Variants in PRDM10 observed in about 807,000 individuals in gnomAD.
The protein encoded by PRDM10 is PR/SET domain 10, also known as PR domain zinc finger protein 10.
In PRDM10, 65 loss-of-function variants were observed where a neutral mutation model predicts 133.1. The observed-to-expected ratio is 0.49, with a 90% CI of 0.40 to 0.60. The LOEUF (loss-of-function observed/expected upper bound fraction) is 0.60. Among genes scored for constraint, PRDM10 ranks in the 20% least tolerant of loss-of-function variants. PRDM10 has a pLI of 0.00. For synonymous variants in PRDM10, 582 were observed against 580.4 expected, an observed-to-expected ratio of 1.00 and a Z score of -0.04; for missense variants, 1,137 against 1,507.1, an observed-to-expected ratio of 0.75 and a Z score of 4.07.
At chr11:129,964,952 A>G (rs549559861) in intron 1 of PRDM10, among the ~76,000 whole-genome samples, 1 of 152,360 alleles carries the variant, frequency 6.6e-6, no homozygotes. Context: ...CAATTTTCAT[A>G]TTTCACAAAC....
In PRDM10 at chr11:129,991,179, T is replaced by C. The variant is rs73579262; in HGVS notation, c.-119+11543A>G. On this transcript the variant is annotated intron_variant, in intron 1 of 20. Transcript: ENST00000360871. ...ATGCAAATGTTAATAATTATTTAAATTGTGAGGACCATAGGCTGTTTTAGA... is the reference window on the plus strand; with the variant it reads ...ATGCAAATGTTAATAATTATTTAAACTGTGAGGACCATAGGCTGTTTTAGA... Among the ~76,000 whole-genome samples the C allele has an allele frequency of 4.4e-3, 669 of 152,308 alleles. 4 individuals carry two copies. Among genetic ancestry groups the C allele is most frequent in the African/African-American group, 0.015 (629 of 41,576 alleles).
intron 1 of PRDM10, among the ~76,000 whole-genome samples, chr11:129,994,171 A>C (rs1459119931): frequency 6.6e-6 from 1 of 152,132 alleles, no homozygotes; most frequent in African/African-American, 2.4e-5. Flanking sequence ...AGTATATATA[A>C]GTATGAAAAT....
rs1180805871 is a variant in PRDM10, at chr11:129,900,138, C to T, written c.*2175G>A. 1.3e-5 allele frequency: 2 copies of T among 152,414 alleles called. No homozygotes were observed. Among genetic ancestry groups the T allele is most frequent in the African/African-American group, 2.4e-5 (1 of 41,462 alleles). The allele number at this position is 152,414 out of a possible 1,614,324, so 9.4% of individuals were successfully genotyped here. A position where few individuals can be genotyped will look rare whatever the true frequency, so the allele number is the denominator to read the frequency against. On this transcript the variant is annotated 3_prime_UTR_variant, in exon 21 of 21. Transcript: ENST00000360871. ...AGAGAGGCCACAATATCCACACTGGCTACATACATGTTTTCCAAATTAAGT... is the reference window on the plus strand; with the variant it reads ...AGAGAGGCCACAATATCCACACTGGTTACATACATGTTTTCCAAATTAAGT...
intron 6 of PRDM10, 77 bp downstream of exon 6, chr11:129,944,694 G>A: frequency 6.5e-7 from 1 of 1,539,610 alleles, no homozygotes; most frequent in Non-Finnish European, 8.8e-7. Flanking sequence ...ACAGGAATAA[G>A]AGACTGAGTA....
chr11:129,928,946 C>T (rs117141624), intron 11 of PRDM10, among the ~76,000 whole-genome samples: 2,391 of 152,318 alleles, frequency 0.016, 37 homozygotes, highest in Non-Finnish European at 0.025. Flanking sequence ...GTCTAAGTCT[C>T]ACCTTATCCA....
chr11:129,955,578 A>G lies in PRDM10; in HGVS notation c.235-7T>C. 1 of 1,613,502 alleles carries G rather than the reference A, an allele frequency of 6.2e-7. No individual in the cohort carries two copies. The highest frequency in any genetic ancestry group is 1.1e-5 in the South Asian group (1 of 90,910). On this transcript the variant is annotated splice_polypyrimidine_tract_variant and splice_region_variant and intron_variant, in intron 3 of 20. Transcript: ENST00000360871. ...CGGGGTCTGTAAACAGAGTCTAAAC[A>G]AACAAACGAACAAAAAATTATCAGT...
rs1175803893 is a variant in PRDM10, at chr11:129,946,580, A to G, written c.520+565T>C. Among the ~76,000 whole-genome samples, 8 of 152,160 alleles carry G rather than the reference A, an allele frequency of 5.3e-5. No individual in the cohort carries two copies. In the South Asian group the frequency reaches 1.2e-3, roughly 24 times the overall value. On this transcript the variant is annotated intron_variant, in intron 5 of 20. Transcript: ENST00000360871. Reference sequence around the variant, plus strand: ...AGCAGTAGGGTGGGGTGGCTGATCAAGGGCGCTGCCGAGGGGCCAGACTGC... The same window carrying G: ...AGCAGTAGGGTGGGGTGGCTGATCAGGGGCGCTGCCGAGGGGCCAGACTGC...
At chr11:129,992,997 A>G (rs2135997378) in intron 1 of PRDM10, among the ~76,000 whole-genome samples, 1 of 152,320 alleles carries the variant, frequency 6.6e-6, no homozygotes, top group Middle Eastern at 3.4e-3. Context: ...CATTTCTCTA[A>G]TATTGGAACT....
rs1287760199 is a variant in PRDM10, at chr11:129,900,167, C to T, written c.*2146G>A. On this transcript the variant is annotated 3_prime_UTR_variant, in exon 21 of 21. Coordinates refer to ENST00000360871, the MANE Select transcript of PRDM10 (RefSeq NM_199437.2). ...ATACATGTTTTCCAAATTAAGTTTT[C>T]TGATGGCTCATCATTTGCCATCTCT... 1 of 152,260 alleles carries T rather than the reference C, an allele frequency of 6.6e-6. No homozygotes were observed. Among genetic ancestry groups the T allele is most frequent in the African/African-American group, 2.4e-5 (1 of 41,456 alleles). The allele number at this position is 152,260 out of a possible 1,614,324, so 9.4% of individuals were successfully genotyped here.
chr11:129,936,176 A>G (rs1189412319), intron 8 of PRDM10, among the ~76,000 whole-genome samples: 1 of 152,176 alleles, frequency 6.6e-6, no homozygotes, highest in Non-Finnish European at 1.5e-5. Flanking sequence ...GGAATCATAC[A>G]TCAATGTACC....
chr11:129,982,388 A>G (rs985376645), intron 1 of PRDM10, among the ~76,000 whole-genome samples: 3 of 152,018 alleles, frequency 2.0e-5, no homozygotes, highest in African/African-American at 7.2e-5. Context: ...TCAGCCTCCC[A>G]AGTAGCTGGG....
intron 11 of PRDM10, 91 bp from the exon 12 acceptor site, chr11:129,925,320 G>A: frequency 8.3e-7 from 1 of 1,204,414 alleles, no homozygotes; most frequent in South Asian, 1.5e-5. Flanking sequence ...GATGATCTCT[G>A]CAATCACAGA....
intron 16 of PRDM10, among the ~76,000 whole-genome samples, chr11:129,915,264 C>T (rs1950321480): frequency 6.6e-6 from 1 of 151,704 alleles, no homozygotes; most frequent in African/African-American, 2.4e-5. Flanking sequence ...ATACCCCCCC[C>T]AAATAGTACC....
intron 1 of PRDM10, among the ~76,000 whole-genome samples, chr11:129,993,337 T>G (rs552901276): frequency 6.6e-6 from 1 of 152,338 alleles, no homozygotes; most frequent in East Asian, 1.9e-4. Flanking sequence ...TATCTTCCTA[T>G]ATTAATTCTA....
chr11:129,999,410 A>G (rs910839788), intron 1 of PRDM10, among the ~76,000 whole-genome samples: 1 of 152,202 alleles, frequency 6.6e-6, no homozygotes, highest in Non-Finnish European at 1.5e-5. Context: ...TAAAGTACCT[A>G]TAATAAGTTA....
intron 1 of PRDM10, among the ~76,000 whole-genome samples, chr11:129,963,011 T>C (rs1951825672): frequency 6.6e-6 from 1 of 151,972 alleles, no homozygotes. Context: ...TAGCCAGGTG[T>C]GGTGGTGTGC....
At chr11:129,934,558 A>C (rs144833513) in intron 9 of PRDM10, among the ~76,000 whole-genome samples, 150 of 152,328 alleles carry the variant, frequency 9.8e-4, no homozygotes, top group Admixed American at 3.6e-3. Context: ...TTTTCAAAAA[A>C]AAAATACAAT....
At chr11:129,972,595 A>G (rs181966058) in intron 1 of PRDM10, among the ~76,000 whole-genome samples, 57 of 152,306 alleles carry the variant, frequency 3.7e-4, no homozygotes, top group African/African-American at 1.3e-3. Context: ...ACAGCAAGCA[A>G]AAGGAAACAC....
At position 129,902,184 on chromosome 11, in the gene PRDM10, A is replaced by G; in HGVS notation, c.*129T>C. 1 of 1,308,822 alleles carries G rather than the reference A, an allele frequency of 7.6e-7. No homozygotes were observed. The highest frequency in any genetic ancestry group is 1.5e-5 in the African/African-American group (1 of 67,476). The allele number at this position is 1,308,822 out of a possible 1,614,324, so 81.1% of individuals were successfully genotyped here. On this transcript the variant is annotated 3_prime_UTR_variant, in exon 21 of 21. Transcript: ENST00000360871. ...AAATAAACCCCAGTGTATGGATGAGAGACAAAACTGTGGTTTCCGAACTCT... is the reference window on the plus strand; with the variant it reads ...AAATAAACCCCAGTGTATGGATGAGGGACAAAACTGTGGTTTCCGAACTCT...
Sources: allele counts gnomAD v4.1 joint callset (sites outside exome capture counted in the v4.1 genomes callset), GRCh38; gene constraint gnomAD v4.1.1; transcripts MANE v1.5; gene names NCBI Gene and HGNC (gene_info 2026-07-23, HGNC 2026-07-21).